MACF1: variants seen among roughly 807,000 people sequenced by gnomAD.
MACF1 encodes the protein microtubule actin crosslinking factor 1.
A neutral mutation model predicts 854.8 loss-of-function variants in MACF1; 193 were observed. The observed-to-expected ratio is 0.23, with a 90% confidence interval of 0.20 to 0.25. The LOEUF (loss-of-function observed/expected upper bound fraction) is 0.25, where lower values mean the gene tolerates loss of function less well. MACF1 is among the 10% of genes least tolerant of loss of function. The pLI is 1.00. For missense variants in MACF1, 7,722 were observed against 8,929.1 expected, an observed-to-expected ratio of 0.86 and a Z score of 5.45; for synonymous variants, 3,185 against 3,226.7, an observed-to-expected ratio of 0.99 and a Z score of 0.44.
chr1:39,154,610 G>T (rs892304228), intron 2 of MACF1, among the ~76,000 whole-genome samples: 1 of 152,098 alleles, frequency 6.6e-6, no homozygotes, highest in African/African-American at 2.4e-5. Context: ...TCGCCTCATT[G>T]GTCTAGATCT....
chr1:39,386,853 C>G (rs542940103), intron 57 of MACF1, among the ~76,000 whole-genome samples: 1 of 152,356 alleles, frequency 6.6e-6, no homozygotes, highest in East Asian at 1.9e-4. Context: ...GCATGAGCCA[C>G]TGCACCCGGC....
Position 39,433,048 on chromosome 1 carries a change from G to T in MACF1, c.17458G>T (p.Ala5820Ser), listed in dbSNP as rs774738714. 6.3e-7 allele frequency: 1 copy of T among 1,594,092 alleles called. No individual in the cohort carries two copies. Among genetic ancestry groups the T allele is most frequent in the Non-Finnish European group, 8.6e-7 (1 of 1,164,840 alleles). Residue 5820 changes from alanine (A) to serine (S), a missense_variant and splice_region_variant, in exon 68 of 101, where the codon GCT becomes TCT. This residue lies in a region of MACF1 where 2,807 missense variants were observed against 3,235.8 expected (regional missense o/e 0.87). Coordinates refer to ENST00000564288, the MANE Select transcript of MACF1 (RefSeq NM_001394062.1). ...CTTAACTACAGTTTACTTTTCAAAG[G>T]CTTTCTCCATTGACATTATTCGACA... ...QTTAQLQVQK[A>S]FSIDIIRHKD...
intron 58 of MACF1, among the ~76,000 whole-genome samples, chr1:39,392,877 C>A (rs1642089952): frequency 6.6e-6 from 1 of 152,090 alleles, no homozygotes; most frequent in Admixed American, 6.6e-5. Context: ...CCACTCAAAC[C>A]AGGCAGAGAT....
chr1:39,215,629 G>A (rs1217250375), intron 1 of MACF1, among the ~76,000 whole-genome samples: 1 of 152,156 alleles, frequency 6.6e-6, no homozygotes, highest in Admixed American at 6.5e-5. Flanking sequence ...GTAACTGGCA[G>A]TTAAGAGCCC....
chr1:39,143,123 G>A lies in MACF1; in HGVS notation c.220+58685G>A, dbSNP rs143368704. Among the ~76,000 whole-genome samples, 759 of 152,262 alleles carry A rather than the reference G, an allele frequency of 5.0e-3. 10 individuals carry two copies. The highest frequency in any genetic ancestry group is 0.017 in the African/African-American group (713 of 41,546). ...GGAATGGCAGATCAGGCTGATTGTG[G>A]TAGCCACATTCTAGATGCTTATCAA... On this transcript the variant is annotated intron_variant, in intron 2 of 93. Transcript: ENST00000361689.
chr1:39,311,482 T>A (rs193003117), intron 26 of MACF1, among the ~76,000 whole-genome samples: 208 of 152,318 alleles, frequency 1.4e-3, no homozygotes, highest in Non-Finnish European at 2.4e-3. Flanking sequence ...GAGATGGCAA[T>A]GCACGATATA....
chr1:39,280,820 T>TGCCTGCCTCA (rs1645529259), intron 6 of MACF1, among the ~76,000 whole-genome samples: 1 of 152,122 alleles, frequency 6.6e-6, no homozygotes. Context: ...TCAGGTGATC[T>TGCCTGCCTCA]GCCTGCCTCA....
intron 25 of MACF1, 145 bp downstream of exon 25, chr1:39,310,573 A>C (rs549881186): frequency 1.1e-6 from 1 of 922,908 alleles, no homozygotes; most frequent in African/African-American, 1.7e-5. Context: ...AGAAGAACTT[A>C]TAGATGAATT....
At chr1:39,289,327 G>A (rs1645718809) in intron 15 of MACF1, among the ~76,000 whole-genome samples, 1 of 152,142 alleles carries the variant, frequency 6.6e-6, no homozygotes, top group Admixed American at 6.5e-5. Flanking sequence ...GTTCTCCATA[G>A]TGGTTGTACT....
At chr1:39,136,917 G>A (rs184620028) in intron 2 of MACF1, among the ~76,000 whole-genome samples, 5 of 152,204 alleles carry the variant, frequency 3.3e-5, no homozygotes, top group Admixed American at 3.3e-4. Context: ...ACTTTTACTT[G>A]TTTCTTGGAA....
chr1:39,322,720 G>A lies in MACF1; in HGVS notation c.4137+5G>A, dbSNP rs1557586993. On this transcript the variant is annotated splice_donor_5th_base_variant and intron_variant, in intron 32 of 100. Transcript: ENST00000564288. ...TCAGATGCCATCACTCAAGAGGTGA[G>A]AGGGTGGGGGAAGGAAATACACCAC... 1 of 1,613,348 alleles carries A rather than the reference G, an allele frequency of 6.2e-7. No individual in the cohort carries two copies. Among genetic ancestry groups the A allele is most frequent in the Non-Finnish European group, 8.5e-7 (1 of 1,179,422 alleles).
chr1:39,306,234 A>C (rs1646172592), intron 23 of MACF1, among the ~76,000 whole-genome samples: 1 of 150,266 alleles, frequency 6.7e-6, no homozygotes, highest in Non-Finnish European at 1.5e-5. Context: ...ATCTGGGCTC[A>C]TTGCAACCTT....
chr1:39,365,505 A>G (rs937479672), intron 49 of MACF1, among the ~76,000 whole-genome samples: 2 of 152,190 alleles, frequency 1.3e-5, no homozygotes, highest in Non-Finnish European at 2.9e-5. Flanking sequence ...TAATGCAAAT[A>G]TTCCAAAATC....
At chr1:39,454,809 A>G in intron 88 of MACF1, 100 bp from the exon 89 acceptor site, 1 of 1,075,792 alleles carries the variant, frequency 9.3e-7, no homozygotes, top group African/African-American at 1.6e-5. Context: ...CCAAAAAAAT[A>G]AAATAAAAAG....
At chr1:39,111,020 T>C (rs921079135) in intron 2 of MACF1, among the ~76,000 whole-genome samples, 13 of 152,208 alleles carry the variant, frequency 8.5e-5, no homozygotes, top group African/African-American at 1.9e-4. Flanking sequence ...CTAAGTAAGG[T>C]TGGCCCTTTC....
At chr1:39,468,826 T>A in intron 96 of MACF1, 94 bp downstream of exon 96, 1 of 1,173,302 alleles carries the variant, frequency 8.5e-7, no homozygotes, top group Non-Finnish European at 1.3e-6. Flanking sequence ...GGGGTCTGTC[T>A]GTTTTTTATT....
chr1:39,202,363 G>T (rs562187760), upstream of MACF1, among the ~76,000 whole-genome samples: 4 of 151,064 alleles, frequency 2.6e-5, no homozygotes, highest in South Asian at 4.2e-4. Flanking sequence ...CTGGCCGGGC[G>T]CAGTGGCTCA....
At chr1:39,106,269 AC>A (rs992593292) in intron 2 of MACF1, among the ~76,000 whole-genome samples, 21 of 149,750 alleles carry the variant, frequency 1.4e-4, no homozygotes, top group South Asian at 6.5e-4. Flanking sequence ...GCGAGACCTT[AC>A]CCCCTCCATC....
intron 13 of MACF1, 104 bp from the exon 14 acceptor site, chr1:39,285,500 C>CTTTT: frequency 9.9e-6 from 13 of 1,317,140 alleles, no homozygotes; most frequent in Non-Finnish European, 1.4e-5. Flanking sequence ...TATTATTTCC[C>CTTTT]TTTTTTTTTT....
Sources: gnomAD v4.1 joint callset for allele counts (sites outside exome capture counted in the v4.1 genomes callset) on GRCh38, gnomAD v4.1.1 for gene constraint, gnomAD v4.1.1 regional missense constraint, MANE v1.5 for transcripts, NCBI Gene and HGNC (gene_info 2026-07-23, HGNC 2026-07-21) for gene names.